DCC: variants seen among roughly 807,000 people sequenced by gnomAD.
The protein encoded by DCC is netrin receptor DCC.
DCC carries 58 observed loss-of-function variants against 172.5 expected under a neutral mutation model. The ratio of observed to expected loss-of-function variants is 0.34; its 90% CI spans 0.27 to 0.42. DCC has a LOEUF of 0.42. Ranked by LOEUF, DCC falls within the 10% of genes least tolerant of loss-of-function variation. DCC has a pLI of 1.00. For missense variants in DCC, 1,740 were observed against 1,791.0 expected (o/e 0.97, Z 0.51); for synonymous variants, 709 against 644.5 (o/e 1.10, Z -1.52).
intron 1 of DCC, among the ~76,000 whole-genome samples, chr18:52,646,669 G>A (rs115371879): frequency 1.0e-3 from 156 of 152,288 alleles, no homozygotes; most frequent in African/African-American, 3.6e-3. Flanking sequence ...AGATAAAGAT[G>A]AATATTCAGA....
intron 7 of DCC, among the ~76,000 whole-genome samples, chr18:53,091,158 G>C (rs1308219888): frequency 6.6e-6 from 1 of 151,922 alleles, no homozygotes; most frequent in South Asian, 2.1e-4. Context: ...GCTGAAGAAC[G>C]TAAATTAGAC....
At chr18:52,930,102 T>C (rs551377411) in intron 5 of DCC, among the ~76,000 whole-genome samples, 159 of 152,116 alleles carry the variant, frequency 1.0e-3, no homozygotes, top group African/African-American at 3.7e-3. Flanking sequence ...TGGCTATTTA[T>C]TTTTTCTTTC....
intron 21 of DCC, among the ~76,000 whole-genome samples, chr18:53,422,732 TC>T (rs975751762): frequency 6.6e-6 from 1 of 152,152 alleles, no homozygotes; most frequent in Non-Finnish European, 1.5e-5. Flanking sequence ...GTTAATGTAA[TC>T]CAGACTTTGC....
At chr18:53,331,848 T>C (rs780289361) in intron 14 of DCC, among the ~76,000 whole-genome samples, 1 of 152,192 alleles carries the variant, frequency 6.6e-6, no homozygotes. Context: ...AAGGGAAGAA[T>C]CTTGATGGTT....
chr18:53,031,888 T>C (rs1444877733), intron 5 of DCC, among the ~76,000 whole-genome samples: 2 of 152,212 alleles, frequency 1.3e-5, no homozygotes, highest in South Asian at 2.1e-4. Flanking sequence ...ATTGTATGTA[T>C]GCAAGTTTAA....
intron 1 of DCC, among the ~76,000 whole-genome samples, chr18:52,609,260 A>G (rs1422782754): frequency 1.3e-5 from 2 of 152,164 alleles, no homozygotes; most frequent in Non-Finnish European, 2.9e-5. Context: ...CCGATCAGAG[A>G]GTGAAAGGCG....
chr18:52,739,927 T>C (rs1288567530), intron 1 of DCC, among the ~76,000 whole-genome samples: 1 of 152,194 alleles, frequency 6.6e-6, no homozygotes, highest in African/African-American at 2.4e-5. Context: ...CTATTGATGC[T>C]ATCTTTAAAA....
At chr18:53,523,051 A>G (rs1372906611) in intron 27 of DCC, among the ~76,000 whole-genome samples, 46 of 152,212 alleles carry the variant, frequency 3.0e-4, no homozygotes. Flanking sequence ...TCTACAAAGA[A>G]CTTAAACAAA....
At chr18:52,962,438 TA>T (rs2040857127) in intron 5 of DCC, among the ~76,000 whole-genome samples, 1 of 149,658 alleles carries the variant, frequency 6.7e-6, no homozygotes, top group Admixed American at 6.6e-5. Flanking sequence ...TGGCAATCAT[TA>T]AAAAGTCAGG....
intron 2 of DCC, among the ~76,000 whole-genome samples, chr18:52,882,303 T>C (rs1423753782): frequency 6.6e-6 from 1 of 152,072 alleles, no homozygotes; most frequent in Admixed American, 6.5e-5. Context: ...TTTTTACAAA[T>C]ATAAGATCAT....
intron 1 of DCC, among the ~76,000 whole-genome samples, chr18:52,602,301 T>G (rs1177031473): frequency 1.3e-5 from 2 of 152,048 alleles, no homozygotes; most frequent in Admixed American, 1.3e-4. Context: ...ATATGTATTT[T>G]TATACAATGT....
intron 1 of DCC, among the ~76,000 whole-genome samples, chr18:52,668,471 T>C (rs1325726368): frequency 2.0e-5 from 3 of 152,298 alleles, no homozygotes; most frequent in South Asian, 2.1e-4. Flanking sequence ...AATTAAGTGC[T>C]GTTAGTTCAC....
chr18:52,995,269 C>T (rs1005333072), intron 5 of DCC, among the ~76,000 whole-genome samples: 6 of 152,132 alleles, frequency 3.9e-5, no homozygotes, highest in South Asian at 2.1e-4. Flanking sequence ...TTTTGTGGCA[C>T]GTGTCAGGCT....
chr18:52,711,910 T>C (rs17749685), intron 1 of DCC, among the ~76,000 whole-genome samples: 5,354 of 152,298 alleles, frequency 0.035, 144 homozygotes, highest in East Asian at 0.086. Context: ...ATGTGTACAT[T>C]TGACTGCTCT....
At chr18:53,066,812 G>T (rs1030631167) in intron 7 of DCC, among the ~76,000 whole-genome samples, 1 of 152,088 alleles carries the variant, frequency 6.6e-6, no homozygotes, top group Non-Finnish European at 1.5e-5. Context: ...GGTTCCACAG[G>T]CTGTATAGGA....
chr18:52,897,121 T>C (rs1299184107), intron 2 of DCC, among the ~76,000 whole-genome samples: 1 of 152,164 alleles, frequency 6.6e-6, no homozygotes, highest in African/African-American at 2.4e-5. Flanking sequence ...TCATGGGGAT[T>C]ATAGGAGTCC....
intron 5 of DCC, among the ~76,000 whole-genome samples, chr18:52,988,842 A>C (rs2041336452): frequency 6.6e-6 from 1 of 152,124 alleles, no homozygotes; most frequent in Admixed American, 6.5e-5. Flanking sequence ...ATACATACTA[A>C]ATATTGCATT....
intron 1 of DCC, among the ~76,000 whole-genome samples, chr18:52,433,238 GA>G (rs1391104214): frequency 6.6e-6 from 1 of 152,092 alleles, no homozygotes; most frequent in East Asian, 1.9e-4. Flanking sequence ...TGTGTTCATT[GA>G]AAACTTTGGG....
At chr18:53,344,913 A>G (rs2057706232) in intron 15 of DCC, among the ~76,000 whole-genome samples, 1 of 151,194 alleles carries the variant, frequency 6.6e-6, no homozygotes, top group Admixed American at 6.6e-5. Flanking sequence ...AAAGAAAAGA[A>G]AAGAAATATG....
Sources: allele counts gnomAD v4.1 joint callset (sites outside exome capture counted in the v4.1 genomes callset), GRCh38; gene constraint gnomAD v4.1.1; transcripts MANE v1.5; gene names NCBI Gene and HGNC (gene_info 2026-07-23, HGNC 2026-07-21).